Variants in EML5 observed in about 807,000 individuals in gnomAD.
The protein encoded by EML5 is echinoderm microtubule-associated protein-like 5.
Under a neutral mutation model 250.0 loss-of-function variants are expected in EML5, and 120 were observed. The observed-to-expected ratio is 0.48, with a 90% CI of 0.41 to 0.56. The LOEUF (loss-of-function observed/expected upper bound fraction) is 0.56. Ranked by LOEUF, EML5 falls within the 20% of genes least tolerant of loss-of-function variation. The probability of loss-of-function intolerance (pLI) is 0.00; values close to 1 mark genes in which losing one functional copy is unlikely to be tolerated. For synonymous variants in EML5, 771 were observed against 806.5 expected (o/e 0.96, Z 0.75); for missense variants, 2,006 against 2,437.6 (o/e 0.82, Z 3.73).
chr14:88,781,878 GT>G (rs1406332322), intron 1 of EML5, among the ~76,000 whole-genome samples: 1 of 152,210 alleles, frequency 6.6e-6, no homozygotes, highest in African/African-American at 2.4e-5. Context: ...TCTTGATTAT[GT>G]TTTTATTAGC....
intron 8 of EML5, among the ~76,000 whole-genome samples, chr14:88,720,838 CT>C (rs2093578525): frequency 6.6e-6 from 1 of 152,114 alleles, no homozygotes; most frequent in Admixed American, 6.6e-5. Context: ...TTCAGATTGT[CT>C]TTATTTGCAG....
chr14:88,659,740 T>C (rs945213424), intron 25 of EML5, among the ~76,000 whole-genome samples: 1 of 152,254 alleles, frequency 6.6e-6, no homozygotes, highest in Non-Finnish European at 1.5e-5. Flanking sequence ...ACTAAGACTC[T>C]ACCATTTACA....
chr14:88,779,810 G>A (rs1398100160), intron 1 of EML5, among the ~76,000 whole-genome samples: 1 of 152,124 alleles, frequency 6.6e-6, no homozygotes, highest in East Asian at 1.9e-4. Flanking sequence ...ACTTTCAGTG[G>A]ATAGAACTAG....
chr14:88,768,366 C>T (rs911409512), intron 1 of EML5, among the ~76,000 whole-genome samples: 5 of 151,938 alleles, frequency 3.3e-5, no homozygotes, highest in Admixed American at 2.0e-4. Context: ...CAACTATTGG[C>T]GGATTCTGTC....
In EML5 at chr14:88,695,572, G is replaced by T. The variant is rs566243445; in HGVS notation, c.2345-118C>A. ...AAAATTTGATAAAATAATGTTAAATGTTAGGCATGCATACACCTATAAAAA... is the reference window on the plus strand; with the variant it reads ...AAAATTTGATAAAATAATGTTAAATTTTAGGCATGCATACACCTATAAAAA... On this transcript the variant is annotated intron_variant, in intron 15 of 43. Transcript: ENST00000554922. 298 of 967,884 alleles carry T rather than the reference G, an allele frequency of 3.1e-4. 1 individual carries two copies. The African/African-American group carries it at 4.5e-3, about 15-fold the overall frequency. 60.0% of individuals were successfully genotyped at this position (967,884 alleles called of 1,614,324 possible).
rs556552259 is a variant in EML5, at chr14:88,663,686, C to A, written c.3410-567G>T. On this transcript the variant is annotated intron_variant, in intron 23 of 43. Transcript: ENST00000554922. ...GACTTTAAAATCTTCATTAACATTT[C>A]TTTTTAAAAATGTATTTCATTTTTT... Among the ~76,000 whole-genome samples the A allele has an allele frequency of 4.0e-4, 61 of 151,436 alleles. 1 individual carries two copies. Among genetic ancestry groups the A allele is most frequent in the Admixed American group, 7.2e-4 (11 of 15,192 alleles).
In EML5 at chr14:88,727,396, A is replaced by G. The variant is rs575277016; in HGVS notation, c.1050-718T>C. Among the ~76,000 whole-genome samples the G allele has an allele frequency of 5.8e-4, 81 of 139,816 alleles. No individual in the cohort carries two copies. In the East Asian group the frequency reaches 0.015, roughly 26 times the overall value. 91.7% of individuals were successfully genotyped at this position (139,816 alleles called of 152,430 possible). A position where few individuals can be genotyped will look rare whatever the true frequency, so the allele number is the denominator to read the frequency against. ...CAACTCTGCATCTGTAGTGTGATAC[A>G]CTGCATTTTTTTTTTTTTTTTTGAG... On this transcript the variant is annotated intron_variant, in intron 7 of 43. Coordinates refer to ENST00000554922, the MANE Select transcript of EML5 (RefSeq NM_183387.3).
chr14:88,629,528 C>T (rs1422599592), intron 33 of EML5, among the ~76,000 whole-genome samples: 1 of 152,118 alleles, frequency 6.6e-6, no homozygotes, highest in Non-Finnish European at 1.5e-5. Context: ...AAAGATGAAA[C>T]TATGTTTATT....
chr14:88,782,537 G>A (rs1385554337), intron 1 of EML5, among the ~76,000 whole-genome samples: 1 of 152,164 alleles, frequency 6.6e-6, no homozygotes. Context: ...AGGCTCGGAG[G>A]CCTCAGAGGA....
chr14:88,658,362 A>G lies in EML5; in HGVS notation c.3702T>C (p.Tyr1234=), dbSNP rs2140908097. 6.2e-7 allele frequency: 1 copy of G among 1,612,302 alleles called. No homozygotes were observed. Among genetic ancestry groups the G allele is most frequent in the Non-Finnish European group, 8.5e-7 (1 of 1,178,942 alleles). The part of the protein sequence containing the change: ...TKGKFGKFKR[Y]VAHSTHVTNV... ...TTGTGACATGTGTACTATGGGCCAC[A>G]TACCTCTTAAACTTTCCAAATTTCC... The change falls in exon 26 of 44, where the codon TAT becomes TAC. Residue 1234 remains tyrosine, a synonymous_variant. Coordinates refer to ENST00000554922, the MANE Select transcript of EML5 (RefSeq NM_183387.3).
intron 8 of EML5, among the ~76,000 whole-genome samples, chr14:88,716,854 C>T (rs924738147): frequency 6.6e-6 from 1 of 152,148 alleles, no homozygotes; most frequent in Non-Finnish European, 1.5e-5. Context: ...TATGACCACT[C>T]TCTCACATGA....
Position 88,729,654 on chromosome 14 carries a change from G to A in EML5, c.1050-2976C>T, listed in dbSNP as rs1595697935. Among the ~76,000 whole-genome samples, 4 of 151,750 alleles carry A rather than the reference G, an allele frequency of 2.6e-5. No homozygotes were observed. The South Asian group carries it at 8.3e-4, about 32-fold the overall frequency. The stretch of plus-strand genomic sequence containing the variant: ...AGTTCACTGCAACCTCCGCCTCCCA[G>A]GTTCAAGTGATTCTCGTGCCTCACC... On this transcript the variant is annotated intron_variant, in intron 7 of 43. Transcript: ENST00000554922.
Position 88,651,763 on chromosome 14 carries a change from C to T in EML5, c.4005-1837G>A, listed in dbSNP as rs528682792. Among the ~76,000 whole-genome samples, 101 of 151,616 alleles carry T rather than the reference C, an allele frequency of 6.7e-4. 1 individual carries two copies. The highest frequency in any genetic ancestry group is 2.1e-3 in the African/African-American group (86 of 41,352). ...ATTTATCTAATAAATACATATGTAG[C>T]GCTTATTGCTTTGTGAATATTTAAT... On this transcript the variant is annotated intron_variant, in intron 27 of 43. Coordinates refer to ENST00000554922, the MANE Select transcript of EML5 (RefSeq NM_183387.3).
intron 24 of EML5, among the ~76,000 whole-genome samples, chr14:88,662,286 TA>T (rs5810420): frequency 2.5e-4 from 26 of 103,452 alleles, no homozygotes; most frequent in Admixed American, 4.0e-4. Flanking sequence ...AGATAAAAAA[TA>T]AAAAAAAAAA....
rs542845219 is a variant in EML5 at position 88,632,578 on chromosome 14, A to G, written c.4357+1891T>C. On this transcript the variant is annotated intron_variant, in intron 33 of 43. Coordinates refer to ENST00000554922, the MANE Select transcript of EML5 (RefSeq NM_183387.3). ...CTTGATCCAGCCTCAGGGTTTATGC[A>G]GGAAAGATTTAATATAAGCAGGGTA... 5.3e-5 allele frequency among the ~76,000 whole-genome samples: 8 copies of G among 152,290 alleles called. No homozygotes were observed. The South Asian group carries it at 1.7e-3, about 32-fold the overall frequency.
At chr14:88,714,087 T>C (rs1255495233) in intron 9 of EML5, among the ~76,000 whole-genome samples, 1 of 151,996 alleles carries the variant, frequency 6.6e-6, no homozygotes, top group Non-Finnish European at 1.5e-5. Context: ...GTCGGTCCAC[T>C]GTGGCCTCCC....
At chr14:88,632,592 A>G (rs1204862314) in intron 33 of EML5, among the ~76,000 whole-genome samples, 1 of 152,328 alleles carries the variant, frequency 6.6e-6, no homozygotes, top group East Asian at 1.9e-4. Flanking sequence ...AAGATTTAAT[A>G]TAAGCAGGGT....
At position 88,613,555 on chromosome 14, in the gene EML5, A is replaced by C. The variant is rs988876156; in HGVS notation, c.*2263T>G. 1 of 152,136 alleles carries C rather than the reference A, an allele frequency of 6.6e-6. No individual in the cohort carries two copies. The highest frequency in any genetic ancestry group is 2.4e-5 in the African/African-American group (1 of 41,426). 9.4% of individuals were successfully genotyped at this position (152,136 alleles called of 1,614,324 possible). ...GCCACTGCCCAGACACATATTTAAG[A>C]GTTTAATCTTTCAGTTGCTATGGCT... On this transcript the variant is annotated 3_prime_UTR_variant, in exon 44 of 44. Coordinates refer to ENST00000554922, the MANE Select transcript of EML5 (RefSeq NM_183387.3).
intron 8 of EML5, among the ~76,000 whole-genome samples, chr14:88,716,629 G>A (rs2093498195): frequency 6.6e-6 from 1 of 151,898 alleles, no homozygotes; most frequent in Non-Finnish European, 1.5e-5. Flanking sequence ...AAGTATTTTG[G>A]TATTTTTTAT....
Sources: gnomAD v4.1 joint callset for allele counts (sites outside exome capture counted in the v4.1 genomes callset) on GRCh38, gnomAD v4.1.1 for gene constraint, MANE v1.5 for transcripts, NCBI Gene and HGNC (gene_info 2026-07-23, HGNC 2026-07-21) for gene names.